The following TXNRD3 variants were observed in gnomAD, a reference collection of about 807,000 sequenced individuals.
TXNRD3 encodes TXNRD3 neighbor gene protein.
TXNRD3 carries 68 observed loss-of-function variants against 78.2 expected under a neutral mutation model. That is an observed-to-expected ratio of 0.87 (90% CI 0.72 to 1.06). The LOEUF (loss-of-function observed/expected upper bound fraction) is 1.06. TXNRD3 is among the 50% of genes least tolerant of loss of function. The probability of loss-of-function intolerance (pLI) is 0.00; values close to 1 mark genes in which losing one functional copy is unlikely to be tolerated. For missense variants in TXNRD3, 751 were observed against 809.5 expected, an observed-to-expected ratio of 0.93 and a Z score of 0.88; for synonymous variants, 296 against 300.1, an observed-to-expected ratio of 0.99 and a Z score of 0.14.
In TXNRD3 at chr3:126,642,122, AACC is replaced by A; in HGVS notation, c.619_621del (p.Gly207del). On this transcript the variant is annotated inframe_deletion, in exon 6 of 16. Transcript: ENST00000524230. ...TGATGCATCAATTTCTTAGGAATAC[AACC>A]TACATTTACACAAGTGCCACCAAGA... is the stretch of plus-strand genomic sequence containing the variant. 6.5e-7 allele frequency: 1 copy of A among 1,536,338 alleles called. No homozygotes were observed.
intron 8 of TXNRD3, among the ~76,000 whole-genome samples, 187 bp downstream of exon 8, chr3:126,631,577 A>G (rs1283082142): frequency 1.3e-5 from 2 of 151,414 alleles, no homozygotes; most frequent in Non-Finnish European, 2.9e-5. Flanking sequence ...AAATTTTGCC[A>G]CTGGCCTTAT....
chr3:126,652,953 C>G (rs1295002300), intron 1 of TXNRD3, among the ~76,000 whole-genome samples: 1 of 152,236 alleles, frequency 6.6e-6, no homozygotes, highest in Non-Finnish European at 1.5e-5. Context: ...TGCCCAGTGG[C>G]ACGAGGTGCT....
chr3:126,654,933 G>T lies in TXNRD3; in HGVS notation c.58C>A (p.Arg20Ser). The change falls in exon 1 of 16, where the codon CGC (arginine) becomes AGC (serine). Residue 20 changes from arginine (R) to serine (S), a missense_variant. By Grantham distance (110) the Arg-to-Ser change is moderately radical (BLOSUM62 -1). Transcript: ENST00000524230. Reference sequence around the variant, plus strand: ...GCCCCTCGGACATGGCCCGAGCGGCGGTTGGGGGCATCGCCCGCCTTTCCC... The same window carrying T: ...GCCCCTCGGACATGGCCCGAGCGGCTGTTGGGGGCATCGCCCGCCTTTCCC... 2.3e-6 allele frequency: 3 copies of T among 1,296,006 alleles called. No individual in the cohort carries two copies. The highest frequency in any genetic ancestry group is 2.9e-6 in the Non-Finnish European group (3 of 1,028,368). 80.3% of individuals were successfully genotyped at this position (1,296,006 alleles called of 1,614,324 possible).
At chr3:126,615,525 C>T in intron 12 of TXNRD3, 63 bp from the exon 13 acceptor site, 1 of 785,088 alleles carries the variant, frequency 1.3e-6, no homozygotes, top group African/African-American at 1.8e-5. Flanking sequence ...ATCTATATTG[C>T]ATATATTTAT....
At chr3:126,624,497 T>C (rs1244300436) in intron 10 of TXNRD3, among the ~76,000 whole-genome samples, 2 of 151,830 alleles carry the variant, frequency 1.3e-5, no homozygotes, top group Non-Finnish European at 2.9e-5. Context: ...CTCGGCTCAC[T>C]GCAAGCTCTG....
At chr3:126,631,924 TACCAGACACCCTGGACAAAATAGTTAC>T in intron 7 of TXNRD3, 45 bp from the exon 8 acceptor site, 3 of 1,307,390 alleles carry the variant, frequency 2.3e-6, no homozygotes, top group Non-Finnish European at 3.2e-6. Flanking sequence ...CACTACAGAG[TACCAGACACCCTGGACAAAATAGTTAC>T]TACCCTCATG....
At chr3:126,652,356 A>T (rs377635354) in intron 1 of TXNRD3, among the ~76,000 whole-genome samples, 6 of 152,246 alleles carry the variant, frequency 3.9e-5, no homozygotes, top group African/African-American at 1.2e-4. Context: ...TGATCCATTC[A>T]TCTCCCACCA....
intron 14 of TXNRD3, among the ~76,000 whole-genome samples, 197 bp from the exon 15 acceptor site, chr3:126,608,830 C>G (rs1025244366): frequency 6.6e-6 from 1 of 152,182 alleles, no homozygotes; most frequent in African/African-American, 2.4e-5. Context: ...AATGCACATC[C>G]AGAGTTAATT....
intron 6 of TXNRD3, among the ~76,000 whole-genome samples, chr3:126,635,806 T>A (rs1018254931): frequency 2.0e-5 from 3 of 152,224 alleles, no homozygotes; most frequent in African/African-American, 7.2e-5. Context: ...TTTGTTACAA[T>A]TTTCCATTAT....
rs1193464895 is a variant in TXNRD3, at chr3:126,608,581, T to C, written c.1781A>G (p.Gln594Arg). 4 of 1,536,016 alleles carry C rather than the reference T, an allele frequency of 2.6e-6. No homozygotes were observed. In the Admixed American group the frequency reaches 5.9e-5, roughly 23 times the overall value. Residue 594 changes from glutamine (Q) to arginine (R), a missense_variant, in exon 15 of 16, where the codon CAA (glutamine) becomes CGA (arginine). Gln to Arg is a conservative substitution (Grantham distance 43). Transcript: ENST00000524230. ...ACATTTCATTGCAGCTGCAAATCCT[T>C]GGGTAACCTCACCGGCGTTTGGTCC...
intron 14 of TXNRD3, 128 bp from the exon 15 acceptor site, chr3:126,608,761 G>T: frequency 9.2e-7 from 1 of 1,083,980 alleles, no homozygotes; most frequent in Non-Finnish European, 1.2e-6. Flanking sequence ...ATGTCAAAGT[G>T]AGCAGAGAAC....
At chr3:126,625,363 T>A (rs1274244924) in intron 10 of TXNRD3, among the ~76,000 whole-genome samples, 2 of 139,592 alleles carry the variant, frequency 1.4e-5, no homozygotes, top group East Asian at 2.2e-4. Flanking sequence ...TGTCCATGTG[T>A]TCTCATTGTT....
rs531207663 is a variant in TXNRD3, at chr3:126,615,065, T to C, written c.1632+290A>G. Among the ~76,000 whole-genome samples, 6 of 152,278 alleles carry C rather than the reference T, an allele frequency of 3.9e-5. No individual in the cohort carries two copies. The South Asian group carries it at 1.0e-3, about 26-fold the overall frequency. On this transcript the variant is annotated intron_variant, in intron 13 of 15. Coordinates refer to ENST00000524230, the MANE Select transcript of TXNRD3 (RefSeq NM_052883.3). ...CTACCCCTGCAGTCCCAAAAGATCT[T>C]AAAATAACTTTGAGCTTCCTTGTAC... is the stretch of plus-strand genomic sequence containing the variant.
intron 7 of TXNRD3, 116 bp downstream of exon 7, chr3:126,633,793 G>A (rs1938783018): frequency 1.6e-6 from 1 of 627,738 alleles, no homozygotes; most frequent in Non-Finnish European, 2.4e-6. Context: ...CCGTGTGTGT[G>A]TGTGTGCACG....
intron 6 of TXNRD3, among the ~76,000 whole-genome samples, chr3:126,638,392 C>A (rs147097826): frequency 6.6e-6 from 1 of 152,114 alleles, no homozygotes; most frequent in East Asian, 1.9e-4. Flanking sequence ...CCTAAATACA[C>A]CATGTGTTGG....
intron 14 of TXNRD3, among the ~76,000 whole-genome samples, chr3:126,609,649 C>T (rs1488866279): frequency 6.6e-6 from 1 of 152,200 alleles, no homozygotes; most frequent in Non-Finnish European, 1.5e-5. Context: ...AAGGGGCATG[C>T]TCCCCATAGT....
chr3:126,615,761 C>G (rs1201359788), intron 12 of TXNRD3, among the ~76,000 whole-genome samples: 1 of 152,170 alleles, frequency 6.6e-6, no homozygotes, highest in Admixed American at 6.5e-5. Flanking sequence ...ATCCATCTGC[C>G]CCTAAAGACA....
rs76357360 is a variant in TXNRD3, at chr3:126,635,415, A to G, written c.713-1364T>C. 6.4e-3 allele frequency among the ~76,000 whole-genome samples: 974 copies of G among 152,290 alleles called. 12 individuals carry two copies. The highest frequency in any genetic ancestry group is 0.022 in the African/African-American group (931 of 41,558). ...AAAAGCTCCTCCTGGAGTTTTTGAT[A>G]TGCCAAATCAATGAACTGGCACTTT... On this transcript the variant is annotated intron_variant, in intron 6 of 15. Transcript: ENST00000524230.
At chr3:126,620,282 G>C (rs532872130) in intron 12 of TXNRD3, among the ~76,000 whole-genome samples, 1 of 131,408 alleles carries the variant, frequency 7.6e-6, no homozygotes, top group Admixed American at 8.0e-5. Flanking sequence ...GCGGCAGAGC[G>C]AGACTCTGTC....
Sources: allele counts gnomAD v4.1 joint callset (sites outside exome capture counted in the v4.1 genomes callset), GRCh38; gene constraint gnomAD v4.1.1; transcripts MANE v1.5; gene names NCBI Gene and HGNC (gene_info 2026-07-23, HGNC 2026-07-21).